Variants in UNC13A observed in about 807,000 individuals in gnomAD.
UNC13A encodes protein unc-13 homolog A.
UNC13A carries 61 observed loss-of-function variants against 219.7 expected under a neutral mutation model. The ratio of observed to expected loss-of-function variants is 0.28; its 90% CI spans 0.23 to 0.34. The LOEUF (loss-of-function observed/expected upper bound fraction) is 0.34. Among genes scored for constraint, UNC13A ranks in the 10% least tolerant of loss-of-function variants. The pLI is 1.00. For missense variants in UNC13A, 1,476 were observed against 2,270.3 expected, an observed-to-expected ratio of 0.65 and a Z score of 7.11; for synonymous variants, 920 against 884.6, an observed-to-expected ratio of 1.04 and a Z score of -0.71.
chr19:17,661,076 C>G (rs1276979245), intron 8 of UNC13A, among the ~76,000 whole-genome samples: 2 of 149,814 alleles, frequency 1.3e-5, no homozygotes, highest in Non-Finnish European at 3.0e-5. Context: ...ATAGCTGGGA[C>G]TACAGGGGCG....
intron 2 of UNC13A, 129 bp downstream of exon 2, chr19:17,675,882 AC>A: frequency 8.1e-7 from 1 of 1,232,048 alleles, no homozygotes; most frequent in Admixed American, 2.0e-5. Context: ...TAATCTTCTG[AC>A]CCCTCTCCTG....
At chr19:17,679,298 G>A (rs1228425140) in intron 1 of UNC13A, among the ~76,000 whole-genome samples, 2 of 152,042 alleles carry the variant, frequency 1.3e-5, no homozygotes, top group Non-Finnish European at 2.9e-5. Flanking sequence ...TACTCGGGAG[G>A]CTGAGGCAGG....
At chr19:17,681,748 G>C (rs923338100) in intron 1 of UNC13A, among the ~76,000 whole-genome samples, 2 of 152,094 alleles carry the variant, frequency 1.3e-5, no homozygotes, top group Admixed American at 6.6e-5. Flanking sequence ...CCAGAGGCGC[G>C]GGCAGGCGCT....
chr19:17,652,737 C>T, intron 11 of UNC13A, 60 bp from the exon 12 acceptor site: 1 of 1,598,128 alleles, frequency 6.3e-7, no homozygotes, highest in Non-Finnish European at 8.6e-7. Flanking sequence ...CCAGAGCAGG[C>T]TCCACACCCA....
chr19:17,653,125 G>A (rs887657638), intron 11 of UNC13A, among the ~76,000 whole-genome samples: 1 of 152,074 alleles, frequency 6.6e-6, no homozygotes, highest in African/African-American at 2.4e-5. Context: ...GTTAACATGG[G>A]GGGAGGGGTG....
chr19:17,673,132 C>T (rs535325854), intron 3 of UNC13A, among the ~76,000 whole-genome samples: 82 of 150,066 alleles, frequency 5.5e-4, no homozygotes, highest in African/African-American at 1.4e-3. Context: ...CCGAGATGGG[C>T]GGATCACCTG....
chr19:17,675,234 T>C (rs537954900), intron 2 of UNC13A, among the ~76,000 whole-genome samples: 1 of 151,996 alleles, frequency 6.6e-6, no homozygotes, highest in Admixed American at 6.6e-5. Context: ...CTTGGAAGGC[T>C]GAGGTGGGAG....
rs1228517308 is a variant in UNC13A at position 17,656,131 on chromosome 19, C to G, written c.1035G>C (p.Glu345Asp). 6.4e-7 allele frequency: 1 copy of G among 1,552,218 alleles called. No individual in the cohort carries two copies. Among genetic ancestry groups the G allele is most frequent in the East Asian group, 2.4e-5 (1 of 40,980 alleles). Residue 345 changes from glutamate (E) to aspartate (D), a missense_variant, in exon 10 of 44, where the codon GAG becomes GAC. Glu to Asp is a conservative substitution (Grantham distance 45, BLOSUM62 2). Around this residue, in one of 14 missense-constraint regions of UNC13A, gnomAD observed 351 missense variants for 342.6 expected, o/e 1.02. Coordinates refer to ENST00000519716, the MANE Select transcript of UNC13A (RefSeq NM_001080421.3). Reference sequence around the variant, plus strand: ...CGTCAGGCACCTCCTCCTCCTCCTCCTCCAGCTCCTCCTCATCTTCAGGCA... The same window carrying G: ...CGTCAGGCACCTCCTCCTCCTCCTCGTCCAGCTCCTCCTCATCTTCAGGCA... ...EELPEDEEEL[E>D]EEEEEVPDDL...
chr19:17,616,970 A>G (rs1225889067), intron 41 of UNC13A, among the ~76,000 whole-genome samples: 1 of 152,150 alleles, frequency 6.6e-6, no homozygotes, highest in Non-Finnish European at 1.5e-5. Context: ...TCAGAGAGGG[A>G]CAGGAGACCG....
intron 1 of UNC13A, among the ~76,000 whole-genome samples, chr19:17,678,449 A>G (rs2079942430): frequency 6.6e-6 from 1 of 152,200 alleles, no homozygotes; most frequent in Admixed American, 6.5e-5. Context: ...ACTGCACTGC[A>G]GCCCTTGGGT....
rs747948886 is a variant in UNC13A at position 17,656,114 on chromosome 19, A to ACCT, written c.1049_1051dup (p.Glu350dup). On this transcript the variant is annotated inframe_insertion, in exon 10 of 44. Transcript: ENST00000519716. ...GGCATAGCTGCCCAAATCGTCAGGC[A>ACCT]CCTCCTCCTCCTCCTCCTCCAGCTC... The ACCT allele has an allele frequency of 2.3e-5, 34 of 1,480,192 alleles. No individual in the cohort carries two copies. In the African/African-American group the frequency reaches 2.5e-4, roughly 11 times the overall value. 91.7% of individuals were successfully genotyped at this position (1,480,192 alleles called of 1,614,324 possible).
chr19:17,609,599 A>G (rs1296625241), intron 43 of UNC13A, among the ~76,000 whole-genome samples: 1 of 150,694 alleles, frequency 6.6e-6, no homozygotes, highest in African/African-American at 2.4e-5. Context: ...TTCCTTCACC[A>G]GACAGAGTCT....
Position 17,649,671 on chromosome 19 carries a change from G to A in UNC13A, c.1440-84C>T. ...TGGGGAGAACATTCAACCTCCCCCA[G>A]GTGTTAAGGGGTTGAATTGGGTCCC... On this transcript the variant is annotated intron_variant, in intron 12 of 43. Transcript: ENST00000519716. This position sits in a 1 kb window ranked among gnomAD's most constrained non-coding sequence, Gnocchi z 4.4. 8 of 1,472,664 alleles carry A rather than the reference G, an allele frequency of 5.4e-6. No individual in the cohort carries two copies. In the Admixed American group the frequency reaches 1.2e-4, roughly 22 times the overall value. 91.2% of individuals were successfully genotyped at this position (1,472,664 alleles called of 1,614,324 possible).
Position 17,630,708 on chromosome 19 carries a change from C to T in UNC13A, c.3471G>A (p.Glu1157=), listed in dbSNP as rs2076833905. ...PFVIQWLDEN[E]EVSRDFLHGA... is the part of the protein sequence containing the mutation. ...CGTGCAGGAAATCCCGGGACACCTC[C>T]TCATTCTCATCCAGCCACTGGATGA... The change falls in exon 29 of 44, where the codon GAG becomes GAA. Residue 1157 remains glutamate, a synonymous_variant. Coordinates refer to ENST00000519716, the MANE Select transcript of UNC13A (RefSeq NM_001080421.3). The T allele has an allele frequency of 6.2e-7, 1 of 1,613,816 alleles. No homozygotes were observed. Among genetic ancestry groups the T allele is most frequent in the Admixed American group, 1.7e-5 (1 of 60,000 alleles).
chr19:17,648,781 C>T (rs955446471), intron 15 of UNC13A, 131 bp from the exon 16 acceptor site: 3 of 1,486,134 alleles, frequency 2.0e-6, no homozygotes, highest in Admixed American at 4.2e-5. Context: ...TCGGAATCCA[C>T]GCTGCCTTCT....
intron 1 of UNC13A, 126 bp from the exon 2 acceptor site, chr19:17,676,167 C>T: frequency 9.7e-7 from 1 of 1,032,206 alleles, no homozygotes; most frequent in Non-Finnish European, 1.5e-6. Flanking sequence ...AGAGGAGAGA[C>T]AGGCAAAGAT....
At chr19:17,631,200 C>T (rs745691513) in intron 28 of UNC13A, among the ~76,000 whole-genome samples, 12,521 of 41,416 alleles carry the variant, frequency 0.3, 2,708 homozygotes, top group African/African-American at 0.46. Flanking sequence ...CCCTCCCTCC[C>T]TCCCTTCCTT....
intron 37 of UNC13A, among the ~76,000 whole-genome samples, chr19:17,621,479 A>G (rs1434022303): frequency 6.6e-6 from 1 of 152,180 alleles, no homozygotes; most frequent in Non-Finnish European, 1.5e-5. Context: ...AAATCTACGT[A>G]AAAAACAACA....
At chr19:17,661,366 T>A (rs2079548049) in intron 8 of UNC13A, among the ~76,000 whole-genome samples, 1 of 151,936 alleles carries the variant, frequency 6.6e-6, no homozygotes, top group Non-Finnish European at 1.5e-5. Flanking sequence ...GACTCCCCAG[T>A]TGAAGGAGAG....
Sources: allele counts gnomAD v4.1 joint callset (sites outside exome capture counted in the v4.1 genomes callset), GRCh38; gene constraint gnomAD v4.1.1; regional missense constraint gnomAD v4.1.1; non-coding constraint Gnocchi (gnomAD v3.1); transcripts MANE v1.5; gene names NCBI Gene and HGNC (gene_info 2026-07-23, HGNC 2026-07-21).